LRP1: variants seen among roughly 807,000 people sequenced by gnomAD.
LRP1 encodes the protein LDL receptor related protein 1, also known as prolow-density lipoprotein receptor-related protein 1.
In LRP1, 51 loss-of-function variants were observed where a neutral mutation model predicts 541.5. The observed-to-expected ratio is 0.09, with a 90% confidence interval of 0.08 to 0.12. The LOEUF is 0.12. LRP1 is among the 10% of genes least tolerant of loss of function. The pLI is 1.00. For synonymous variants in LRP1, 2,219 were observed against 2,470.8 expected, an observed-to-expected ratio of 0.90 and a Z score of 3.02; for missense variants, 3,878 against 6,376.2, an observed-to-expected ratio of 0.61 and a Z score of 13.34.
chr12:57,184,524 C>G lies in LRP1; in HGVS notation c.6186+72C>G, dbSNP rs1459981498. 1.3e-6 allele frequency: 2 copies of G among 1,591,842 alleles called. No homozygotes were observed. The highest frequency in any genetic ancestry group is 1.7e-6 in the Non-Finnish European group (2 of 1,168,796). Reference sequence around the variant, plus strand: ...CAGGCTCCTGTTCCCTGTGATGAGCCCATTCTGGGAGGACTTGGAGCCCAG... The same window carrying G: ...CAGGCTCCTGTTCCCTGTGATGAGCGCATTCTGGGAGGACTTGGAGCCCAG... On this transcript the variant is annotated intron_variant, in intron 38 of 88. Transcript: ENST00000243077. The surrounding 1 kb of genome is among the most constrained non-coding windows in gnomAD (Gnocchi z 7.8).
rs147392260 is a variant in LRP1, at chr12:57,174,208, G to T, written c.3547+228G>T. Among the ~76,000 whole-genome samples the T allele has an allele frequency of 1.6e-4, 24 of 152,332 alleles. No individual in the cohort carries two copies. The East Asian group carries it at 4.6e-3, about 29-fold the overall frequency. On this transcript the variant is annotated intron_variant, in intron 22 of 88. Coordinates refer to ENST00000243077, the MANE Select transcript of LRP1 (RefSeq NM_002332.3). ...GTTTATCCACAAGGCATCCCTGGGG[G>T]CCAGGTGCTCTGTTTTCTCCGTTTG...
rs755205150 is a variant in LRP1 at position 57,180,317 on chromosome 12, C to T, written c.5237-13C>T. 3.1e-6 allele frequency: 5 copies of T among 1,613,346 alleles called. No individual in the cohort carries two copies. In the South Asian group the frequency reaches 3.3e-5, roughly 11 times the overall value. ...TGGGCCAGACTCCCCGGCAGTGACT[C>T]CCCCTTTTCCAGGCCTGGCTATTGA... On this transcript the variant is annotated splice_polypyrimidine_tract_variant and intron_variant, in intron 31 of 88. Transcript: ENST00000243077.
chr12:57,188,166 G>C (rs1054001458), intron 42 of LRP1, among the ~76,000 whole-genome samples: 4 of 152,286 alleles, frequency 2.6e-5, no homozygotes, highest in African/African-American at 2.4e-5. Context: ...CCGGGGGTGG[G>C]TGCTCCCCCT....
intron 44 of LRP1, 136 bp from the exon 45 acceptor site, chr12:57,192,709 C>A: frequency 8.0e-7 from 1 of 1,243,658 alleles, no homozygotes; most frequent in Non-Finnish European, 1.1e-6. Context: ...TCCCCACTGG[C>A]TGCAAGCCGC....
At position 57,179,513 on chromosome 12, in the gene LRP1, G is replaced by A; in HGVS notation, c.4923G>A (p.Arg1641=). The change falls in exon 29 of 89, where the codon CGG becomes CGA. Residue 1641 remains arginine, a synonymous_variant. Coordinates refer to ENST00000243077, the MANE Select transcript of LRP1 (RefSeq NM_002332.3). This position sits in a 1 kb window ranked among gnomAD's most constrained non-coding sequence, Gnocchi z 6.8. The part of the protein sequence containing the change: ...WSDVRTQAIK[R]AFINGTGVET... ...ACGTGCGGACACAGGCCATCAAGCG[G>A]GCCTTCATCAACGGCACAGGCGTGG... 6.2e-7 allele frequency: 1 copy of A among 1,614,184 alleles called. No homozygotes were observed. The highest frequency in any genetic ancestry group is 8.5e-7 in the Non-Finnish European group (1 of 1,180,014).
In LRP1 at chr12:57,128,766, C is replaced by T. The variant is rs1017762161; in HGVS notation, c.-199C>T. On this transcript the variant is annotated 5_prime_UTR_variant, in exon 1 of 89. Transcript: ENST00000243077. ...GATTTCGGGGCAGGGGGCGCACCCCCGTCAGCAGGCCCTCCCCAAGGGGCT... is the reference window on the plus strand; with the variant it reads ...GATTTCGGGGCAGGGGGCGCACCCCTGTCAGCAGGCCCTCCCCAAGGGGCT... 4.3e-6 allele frequency: 2 copies of T among 461,486 alleles called. No homozygotes were observed. The allele number at this position is 461,486 out of a possible 1,614,324, so 28.6% of individuals were successfully genotyped here.
rs761201269 is a variant in LRP1, at chr12:57,210,107, A to G, written c.12518A>G (p.Asn4173Ser). The G allele has an allele frequency of 3.7e-6, 6 of 1,613,620 alleles. No homozygotes were observed. Among genetic ancestry groups the G allele is most frequent in the Non-Finnish European group, 5.1e-6 (6 of 1,179,802 alleles). The change falls in exon 81 of 89, where the codon AAT becomes AGT. Residue 4173 changes from asparagine to serine, a missense_variant. Physicochemically the swap from Asn to Ser is conservative, Grantham distance 46. This residue lies in a region of LRP1 where 871 missense variants were observed against 1,212.4 expected (regional missense o/e 0.72). Transcript: ENST00000243077. ...AGTGGGCCTGTCTGCACCTGTCCCA[A>G]TGGGAAGCGGCTGGACAACGGCACA... ...SPSGPVCTCP[N>S]GKRLDNGTCV... is the part of the protein sequence containing the mutation.
intron 50 of LRP1, 96 bp from the exon 51 acceptor site, chr12:57,194,889 C>A: frequency 1.7e-6 from 2 of 1,179,064 alleles, no homozygotes; most frequent in Admixed American, 1.7e-5. Flanking sequence ...CAGAGGGGTG[C>A]TGTGGGCATC....
Position 57,154,822 on chromosome 12 carries a change from C to A in LRP1, c.1227+121C>A. ...CTCCTGGTAAAGAGCGTGGATGCCC[C>A]AGGCCTCTAGTGGGAGTGGGGTGGG... On this transcript the variant is annotated intron_variant, in intron 8 of 88. Coordinates refer to ENST00000243077, the MANE Select transcript of LRP1 (RefSeq NM_002332.3). The surrounding 1 kb of genome is among the most constrained non-coding windows in gnomAD (Gnocchi z 4.6). 1 of 913,444 alleles carries A rather than the reference C, an allele frequency of 1.1e-6. No individual in the cohort carries two copies. Among genetic ancestry groups the A allele is most frequent in the Non-Finnish European group, 1.7e-6 (1 of 577,380 alleles). The allele number at this position is 913,444 out of a possible 1,614,324, so 56.6% of individuals were successfully genotyped here.
chr12:57,200,646 A>G (rs1178762770), intron 63 of LRP1, 53 bp from the exon 64 acceptor site: 2 of 1,560,792 alleles, frequency 1.3e-6, no homozygotes, highest in East Asian at 2.2e-5. Context: ...CTGCAAGTGG[A>G]CCTGGCCGTG....
rs1175207331 is a variant in LRP1 at position 57,212,250 on chromosome 12, G to C, written c.13483G>C (p.Asp4495His). The C allele has an allele frequency of 6.2e-7, 1 of 1,613,342 alleles. No individual in the cohort carries two copies. Among genetic ancestry groups the C allele is most frequent in the Non-Finnish European group, 8.5e-7 (1 of 1,179,738 alleles). ...GGLLDADFAL[D>H]PDKPTNFTNP... Reference sequence around the variant, plus strand: ...CCTACTGGACGCTGACTTTGCCCTGGACCCTGACAAGGTGGGCTGGGAGGC... The same window carrying C: ...CCTACTGGACGCTGACTTTGCCCTGCACCCTGACAAGGTGGGCTGGGAGGC... The change falls in exon 88 of 89, where the codon GAC (aspartate) becomes CAC (histidine). Residue 4495 changes from aspartate (D) to histidine (H), a missense_variant. This residue lies in a region of LRP1 where 871 missense variants were observed against 1,212.4 expected (regional missense o/e 0.72). Coordinates refer to ENST00000243077, the MANE Select transcript of LRP1 (RefSeq NM_002332.3). The surrounding 1 kb of genome is among the most constrained non-coding windows in gnomAD (Gnocchi z 5.0).
At position 57,141,454 on chromosome 12, in the gene LRP1, C is replaced by G; in HGVS notation, c.271C>G (p.Leu91Val). The G allele has an allele frequency of 6.2e-7, 1 of 1,614,182 alleles. No individual in the cohort carries two copies. Among genetic ancestry groups the G allele is most frequent in the Non-Finnish European group, 8.5e-7 (1 of 1,180,030 alleles). ...TGAGCTGTGTGTTCCCATGTCCCGC[C>G]TCTGCAATGGGGTCCAGGACTGCAT... ...GTELCVPMSR[L>V]CNGVQDCMDG... is the part of the protein sequence containing the mutation. Residue 91 changes from leucine to valine, a missense_variant, in exon 3 of 89, where the codon CTC (leucine) becomes GTC (valine). By Grantham distance (32) the Leu-to-Val change is conservative. This residue lies in a region of LRP1 where 293 missense variants were observed against 403.7 expected (regional missense o/e 0.73). Coordinates refer to ENST00000243077, the MANE Select transcript of LRP1 (RefSeq NM_002332.3).
chr12:57,201,153 C>T lies in LRP1; in HGVS notation c.10345C>T (p.Pro3449Ser), dbSNP rs1271973730. The T allele has an allele frequency of 2.5e-6, 4 of 1,614,006 alleles. No homozygotes were observed. Among genetic ancestry groups the T allele is most frequent in the Admixed American group, 1.7e-5 (1 of 60,010 alleles). ...AGATGGGGAGGATGAGAGGGACTGC[C>T]GTGAGTGTCAGAGGTGGTGGTGGGC... Reference protein sequence around the residue: ...CGDGEDERDCPEVTCAPNQFQ... With the variant: ...CGDGEDERDCSEVTCAPNQFQ... Residue 3449 changes from proline (P) to serine (S), a missense_variant and splice_region_variant, in exon 65 of 89, where the codon CCC (proline) becomes TCC (serine). Physicochemically the swap from Pro to Ser is moderately conservative, Grantham distance 74. Coordinates refer to ENST00000243077, the MANE Select transcript of LRP1 (RefSeq NM_002332.3). This position sits in a 1 kb window ranked among gnomAD's most constrained non-coding sequence, Gnocchi z 6.4.
At chr12:57,136,139 G>A (rs1313605748) in intron 1 of LRP1, among the ~76,000 whole-genome samples, 2 of 152,234 alleles carry the variant, frequency 1.3e-5, no homozygotes, top group African/African-American at 2.4e-5. Context: ...TGTGTTTCCC[G>A]GGAAGACCTC....
At chr12:57,199,803 C>A in intron 61 of LRP1, 74 bp from the exon 62 acceptor site, 1 of 1,516,712 alleles carries the variant, frequency 6.6e-7, no homozygotes, top group Non-Finnish European at 8.9e-7. Flanking sequence ...CGCCTCTGTC[C>A]AGGATAGAGT....
intron 6 of LRP1, among the ~76,000 whole-genome samples, chr12:57,150,410 C>CT (rs2035505110): frequency 1.3e-5 from 2 of 152,200 alleles, no homozygotes; most frequent in Middle Eastern, 6.8e-3. Context: ...CCAGGATGGT[C>CT]TCGATCTCCT....
intron 76 of LRP1, among the ~76,000 whole-genome samples, chr12:57,207,353 A>G (rs1401703404): frequency 6.6e-6 from 1 of 151,340 alleles, no homozygotes; most frequent in Non-Finnish European, 1.5e-5. Context: ...TACAAAGATT[A>G]GCCAGGCGTG....
In LRP1 at chr12:57,187,401, A is replaced by T. The variant is rs1300304827; in HGVS notation, c.6976A>T (p.Ile2326Phe). 1 of 1,614,174 alleles carries T rather than the reference A, an allele frequency of 6.2e-7. No homozygotes were observed. Among genetic ancestry groups the T allele is most frequent in the South Asian group, 1.1e-5 (1 of 91,078 alleles). ...AGGGGCCTTCGAGCGTGAGACCGTC[A>T]TCACTATGTCTGGAGATGACCACCC... is the stretch of plus-strand genomic sequence containing the variant. ...RPGAFERETV[I>F]TMSGDDHPRA... The change falls in exon 42 of 89, where the codon ATC becomes TTC. Residue 2326 changes from isoleucine to phenylalanine, a missense_variant. Ile to Phe is a conservative substitution (Grantham distance 21). This residue lies in a region of LRP1 where 1,100 missense variants were observed against 1,827.4 expected (regional missense o/e 0.60). Transcript: ENST00000243077.
chr12:57,163,029 GGAGGATGCCGAA>G, intron 15 of LRP1, 46 bp downstream of exon 15: 1 of 1,562,578 alleles, frequency 6.4e-7, no homozygotes, highest in Non-Finnish European at 8.6e-7. Flanking sequence ...GACCCCATCA[GGAGGATGCCGAA>G]GAGTGGGGAG....
Sources: gnomAD v4.1 joint callset for allele counts (sites outside exome capture counted in the v4.1 genomes callset) on GRCh38, gnomAD v4.1.1 for gene constraint, gnomAD v4.1.1 regional missense constraint, Gnocchi (gnomAD v3.1) non-coding constraint, MANE v1.5 for transcripts, NCBI Gene and HGNC (gene_info 2026-07-23, HGNC 2026-07-21) for gene names.